The following MACROD2 variants were observed in gnomAD, a reference collection of about 807,000 sequenced individuals.
The protein encoded by MACROD2 is ADP-ribose glycohydrolase MACROD2.
In MACROD2, 36 loss-of-function variants were observed where a neutral mutation model predicts 70.4. The ratio of observed to expected loss-of-function variants is 0.51; its 90% CI spans 0.39 to 0.68. The LOEUF is 0.68. MACROD2 is among the 30% of genes least tolerant of loss of function. The pLI is 0.00. For missense variants in MACROD2, 496 were observed against 538.4 expected (o/e 0.92, Z 0.78); for synonymous variants, 172 against 178.8 (o/e 0.96, Z 0.30).
Position 15,042,193 on chromosome 20 carries a change from A to G in MACROD2, c.419-187747A>G, listed in dbSNP as rs547016809. Among the ~76,000 whole-genome samples, 3 of 152,334 alleles carry G rather than the reference A, an allele frequency of 2.0e-5. No homozygotes were observed. In the East Asian group the frequency reaches 5.8e-4, roughly 29 times the overall value. On this transcript the variant is annotated intron_variant, in intron 5 of 17. Coordinates refer to ENST00000684519, the MANE Select transcript of MACROD2 (RefSeq NM_001351661.2). ...AAGTGAAATTCTGTAGGTTATTTTC[A>G]TAACAGACCTTCCAGAGAATTTGCT...
chr20:14,936,011 A>G (rs6043009), intron 5 of MACROD2, among the ~76,000 whole-genome samples: 20,120 of 152,206 alleles, frequency 0.13, 1,555 homozygotes, highest in South Asian at 0.19. Flanking sequence ...TCCAGGCCTT[A>G]GGAATACCAT....
At chr20:15,713,505 G>C (rs1036444465) in intron 8 of MACROD2, among the ~76,000 whole-genome samples, 2 of 152,052 alleles carry the variant, frequency 1.3e-5, no homozygotes, top group East Asian at 3.9e-4. Flanking sequence ...GAATGCAAAA[G>C]GGAAGCAGGC....
intron 6 of MACROD2, among the ~76,000 whole-genome samples, chr20:15,238,083 A>G (rs1165525741): frequency 6.6e-6 from 1 of 152,216 alleles, no homozygotes; most frequent in Non-Finnish European, 1.5e-5. Context: ...AATATTTGTT[A>G]TAAAAGGGTT....
At position 15,768,585 on chromosome 20, in the gene MACROD2, C is replaced by T. The variant is rs115032775; in HGVS notation, c.646-94160C>T. Among the ~76,000 whole-genome samples the T allele has an allele frequency of 2.0e-3, 305 of 152,250 alleles. 1 individual carries two copies. Among genetic ancestry groups the T allele is most frequent in the African/African-American group, 7.0e-3 (292 of 41,552 alleles). On this transcript the variant is annotated intron_variant, in intron 8 of 17. Coordinates refer to ENST00000684519, the MANE Select transcript of MACROD2 (RefSeq NM_001351661.2). ...TGCTGTAGACTTCAGAAACACTGTA[C>T]ACTTAGGCTACACTAAATTTACAAA...
chr20:14,687,052 T>C (rs2071011031), intron 5 of MACROD2, among the ~76,000 whole-genome samples: 1 of 152,164 alleles, frequency 6.6e-6, no homozygotes, highest in Non-Finnish European at 1.5e-5. Flanking sequence ...TTTACAAATA[T>C]TGGTTCTTTT....
intron 3 of MACROD2, among the ~76,000 whole-genome samples, chr20:14,330,532 C>T (rs2082816530): frequency 6.6e-6 from 1 of 152,062 alleles, no homozygotes; most frequent in African/African-American, 2.4e-5. Context: ...GTTTCTGGTT[C>T]TCTCCAAAAA....
chr20:15,033,473 G>A (rs1309052525), intron 5 of MACROD2, among the ~76,000 whole-genome samples: 1 of 152,176 alleles, frequency 6.6e-6, no homozygotes, highest in Non-Finnish European at 1.5e-5. Context: ...GCTTGTCGCA[G>A]TATATGCTTT....
At chr20:14,138,970 CATAA>C (rs749095546) in intron 3 of MACROD2, among the ~76,000 whole-genome samples, 1 of 151,954 alleles carries the variant, frequency 6.6e-6, no homozygotes, top group Non-Finnish European at 1.5e-5. Flanking sequence ...TGAAGGAAAA[CATAA>C]ATAAAGATTA....
chr20:14,008,005 T>C (rs1397555958), intron 2 of MACROD2, among the ~76,000 whole-genome samples: 1 of 152,172 alleles, frequency 6.6e-6, no homozygotes, highest in East Asian at 1.9e-4. Flanking sequence ...GAGCCATCTA[T>C]GATAATACCA....
intron 4 of MACROD2, among the ~76,000 whole-genome samples, chr20:14,610,501 A>G (rs1397813791): frequency 6.6e-6 from 1 of 152,054 alleles, no homozygotes; most frequent in African/African-American, 2.4e-5. Flanking sequence ...TTCATTTCTC[A>G]GGTCAGCAAT....
At chr20:15,065,446 G>C (rs906965714) in intron 5 of MACROD2, among the ~76,000 whole-genome samples, 1 of 152,078 alleles carries the variant, frequency 6.6e-6, no homozygotes, top group African/African-American at 2.4e-5. Flanking sequence ...ACAAGGTCAG[G>C]AGATCGAGAC....
intron 8 of MACROD2, among the ~76,000 whole-genome samples, chr20:15,622,579 CG>C (rs1289808414): frequency 6.6e-6 from 1 of 152,078 alleles, no homozygotes; most frequent in African/African-American, 2.4e-5. Flanking sequence ...ATTCACATCT[CG>C]GGGAGCAGGA....
intron 8 of MACROD2, among the ~76,000 whole-genome samples, chr20:15,704,377 T>G (rs766610211): frequency 6.6e-6 from 1 of 152,168 alleles, no homozygotes; most frequent in Non-Finnish European, 1.5e-5. Context: ...GTTCTTCCTA[T>G]TCGAGGAAAT....
chr20:15,019,657 G>A (rs886833599), intron 5 of MACROD2, among the ~76,000 whole-genome samples: 11 of 151,960 alleles, frequency 7.2e-5, no homozygotes, highest in African/African-American at 2.4e-4. Context: ...CTTCTAGAAC[G>A]TAATGATACA....
In MACROD2 at chr20:14,009,860, C is replaced by CT. The variant is rs148065745; in HGVS notation, c.163+7457dup. On this transcript the variant is annotated intron_variant, in intron 2 of 17. Transcript: ENST00000684519. Reference sequence around the variant, plus strand: ...TGGAAGCCATTATGCTCGACAAACTCTAACGCAGTAACAGAAAACCAAATA... The same window carrying CT: ...TGGAAGCCATTATGCTCGACAAACTCTTAACGCAGTAACAGAAAACCAAATA... 4.8e-3 allele frequency among the ~76,000 whole-genome samples: 734 copies of CT among 152,284 alleles called. 6 individuals carry two copies. Among genetic ancestry groups the CT allele is most frequent in the African/African-American group, 0.017 (702 of 41,556 alleles).
At chr20:14,645,888 A>G (rs1397499629) in intron 4 of MACROD2, among the ~76,000 whole-genome samples, 1 of 151,964 alleles carries the variant, frequency 6.6e-6, no homozygotes, top group Admixed American at 6.6e-5. Context: ...ATTTACAGAA[A>G]CCAAATGTGC....
chr20:14,315,022 A>G (rs558826049), intron 3 of MACROD2, among the ~76,000 whole-genome samples: 37 of 152,310 alleles, frequency 2.4e-4, no homozygotes, highest in African/African-American at 8.7e-4. Flanking sequence ...CTTAGTCATT[A>G]TCTCAAATAT....
At chr20:15,297,472 A>G (rs1285298553) in intron 6 of MACROD2, among the ~76,000 whole-genome samples, 1 of 152,220 alleles carries the variant, frequency 6.6e-6, no homozygotes, top group Admixed American at 6.5e-5. Flanking sequence ...AAAGAGGGCC[A>G]TACTGGAATG....
chr20:14,084,596 CAAGTT>C (rs2054052585), intron 2 of MACROD2, among the ~76,000 whole-genome samples: 1 of 152,100 alleles, frequency 6.6e-6, no homozygotes, highest in Admixed American at 6.5e-5. Context: ...AATGGAAACT[CAAGTT>C]TATAGTCTTG....
Sources: gnomAD v4.1 joint callset for allele counts (sites outside exome capture counted in the v4.1 genomes callset) on GRCh38, gnomAD v4.1.1 for gene constraint, MANE v1.5 for transcripts, NCBI Gene and HGNC (gene_info 2026-07-23, HGNC 2026-07-21) for gene names.